The following TRPM3 variants were observed in gnomAD, a reference collection of about 807,000 sequenced individuals.
TRPM3 encodes long transient receptor potential channel 3.
TRPM3 carries 77 observed loss-of-function variants against 181.2 expected under a neutral mutation model. The ratio of observed to expected loss-of-function variants is 0.42; its 90% confidence interval spans 0.35 to 0.51. The LOEUF is 0.51. Among genes scored for constraint, TRPM3 ranks in the 20% least tolerant of loss-of-function variants. The pLI, the probability that TRPM3 is intolerant of heterozygous loss-of-function variation, is 0.01. For missense variants in TRPM3, 1,759 were observed against 2,196.7 expected, an observed-to-expected ratio of 0.80 and a Z score of 3.98; for synonymous variants, 745 against 796.4, an observed-to-expected ratio of 0.94 and a Z score of 1.09.
intron 1 of TRPM3, among the ~76,000 whole-genome samples, chr9:71,173,594 G>T (rs1160329289): frequency 6.6e-6 from 1 of 152,220 alleles, no homozygotes; most frequent in Admixed American, 6.5e-5. Flanking sequence ...CTATGGCTGT[G>T]TATTGAGGGA....
chr9:71,254,080 C>A (rs1357278703), intron 1 of TRPM3, among the ~76,000 whole-genome samples: 1 of 152,130 alleles, frequency 6.6e-6, no homozygotes, highest in South Asian at 2.1e-4. Flanking sequence ...CCACCATGCC[C>A]GGCTAATTTT....
At chr9:70,634,095 A>T (rs1281281389) in intron 12 of TRPM3, among the ~76,000 whole-genome samples, 1 of 152,208 alleles carries the variant, frequency 6.6e-6, no homozygotes, top group East Asian at 1.9e-4. Context: ...AAGTGGGAAT[A>T]AAACTGTATT....
intron 1 of TRPM3, among the ~76,000 whole-genome samples, chr9:71,225,148 C>CA (rs1208130761): frequency 1.3e-5 from 2 of 151,546 alleles, no homozygotes; most frequent in East Asian, 1.9e-4. Flanking sequence ...AGATTTAACC[C>CA]AAAAAAACAC....
At chr9:70,778,990 A>T (rs117032986) in intron 7 of TRPM3, among the ~76,000 whole-genome samples, 1 of 152,264 alleles carries the variant, frequency 6.6e-6, no homozygotes, top group Non-Finnish European at 1.5e-5. Context: ...TACTAGGAAT[A>T]TATAGTTACA....
intron 1 of TRPM3, among the ~76,000 whole-genome samples, chr9:71,214,473 G>A (rs754094800): frequency 1.3e-5 from 2 of 152,034 alleles, no homozygotes; most frequent in Non-Finnish European, 2.9e-5. Flanking sequence ...TAATTTATAG[G>A]AGCCAAAAAG....
At chr9:70,938,043 A>G in intron 1 of TRPM3, among the ~76,000 whole-genome samples, 1 of 152,172 alleles carries the variant, frequency 6.6e-6, no homozygotes, top group African/African-American at 2.4e-5. Context: ...CAGTTTGCTA[A>G]CCATTTTTCA....
intron 1 of TRPM3, chr9:70,865,591 T>C (rs2095633219): frequency 6.6e-6 from 1 of 152,102 alleles, no homozygotes; most frequent in Admixed American, 6.6e-5. Context: ...TGTTGAACCA[T>C]AATTAATCTT....
At chr9:71,304,272 G>C (rs754921209) in intron 1 of TRPM3, among the ~76,000 whole-genome samples, 2 of 152,160 alleles carry the variant, frequency 1.3e-5, no homozygotes, top group Non-Finnish European at 2.9e-5. Flanking sequence ...GTCTGGTTTT[G>C]ATTTGAGTTT....
chr9:70,841,652 AT>A (rs758427509), intron 5 of TRPM3, among the ~76,000 whole-genome samples: 2,345 of 117,354 alleles, frequency 0.02, 82 homozygotes, highest in East Asian at 0.049. Context: ...ATATATATAT[AT>A]ATATATATCC....
intron 1 of TRPM3, among the ~76,000 whole-genome samples, chr9:71,334,426 C>A (rs955862314): frequency 6.6e-6 from 1 of 151,718 alleles, no homozygotes; most frequent in Non-Finnish European, 1.5e-5. Flanking sequence ...AAAATGTACT[C>A]CTGGATATAA....
chr9:71,296,037 A>C (rs1334827114), intron 1 of TRPM3, among the ~76,000 whole-genome samples: 1 of 152,044 alleles, frequency 6.6e-6, no homozygotes, highest in Non-Finnish European at 1.5e-5. Context: ...AGAGGTGTAT[A>C]GGAAAATGTT....
intron 19 of TRPM3, among the ~76,000 whole-genome samples, chr9:70,605,284 T>C (rs2060843511): frequency 6.6e-6 from 1 of 152,030 alleles, no homozygotes. Flanking sequence ...GACTCCAAGG[T>C]ATCTCTGAGA....
intron 1 of TRPM3, among the ~76,000 whole-genome samples, chr9:71,232,518 T>TTTTTTA (rs2081121784): frequency 8.3e-6 from 1 of 120,478 alleles, no homozygotes; most frequent in Non-Finnish European, 1.8e-5. Flanking sequence ...TTTTTTTTTT[T>TTTTTTA]GAGACAGGGT....
chr9:70,793,232 T>A (rs528727112), intron 6 of TRPM3, among the ~76,000 whole-genome samples: 1 of 152,160 alleles, frequency 6.6e-6, no homozygotes, highest in African/African-American at 2.4e-5. Flanking sequence ...GGCGGGAGGA[T>A]CATTTGAGCC....
intron 8 of TRPM3, among the ~76,000 whole-genome samples, chr9:70,738,484 A>G (rs1324496095): frequency 6.6e-6 from 1 of 152,218 alleles, no homozygotes; most frequent in Non-Finnish European, 1.5e-5. Flanking sequence ...GGAATACAGC[A>G]AAGGCAGTGC....
chr9:70,903,132 G>A (rs1377846265), intron 1 of TRPM3, among the ~76,000 whole-genome samples: 2 of 152,202 alleles, frequency 1.3e-5, no homozygotes, highest in Admixed American at 6.5e-5. Context: ...AGATGACTCC[G>A]TGTTGGTTTG....
intron 1 of TRPM3, among the ~76,000 whole-genome samples, chr9:71,342,557 A>G (rs565312136): frequency 3.2e-4 from 48 of 152,084 alleles, no homozygotes; most frequent in Non-Finnish European, 5.7e-4. Context: ...GAAGAGAAAA[A>G]TAATACATAT....
intron 1 of TRPM3, among the ~76,000 whole-genome samples, chr9:70,976,486 G>C (rs1027879723): frequency 1.3e-5 from 2 of 152,220 alleles, no homozygotes; most frequent in Non-Finnish European, 2.9e-5. Context: ...ATAACGTCTA[G>C]ACAGTAGAGG....
chr9:70,591,616 T>C (rs992173821), intron 21 of TRPM3, among the ~76,000 whole-genome samples: 2 of 152,156 alleles, frequency 1.3e-5, no homozygotes, highest in Non-Finnish European at 2.9e-5. Flanking sequence ...TTAGAGAAAC[T>C]GGAATTGGGA....
Sources: gnomAD v4.1 joint callset for allele counts (sites outside exome capture counted in the v4.1 genomes callset) on GRCh38, gnomAD v4.1.1 for gene constraint, MANE v1.5 for transcripts, NCBI Gene and HGNC (gene_info 2026-07-23, HGNC 2026-07-21) for gene names.